Variants in AMMECR1 observed in about 807,000 individuals in gnomAD.
AMMECR1 encodes the protein nuclear protein AMMECR1.
A neutral mutation model predicts 22.5 loss-of-function variants in AMMECR1; 3 were observed. That is an observed-to-expected ratio of 0.13 (90% CI 0.06 to 0.35). The LOEUF (loss-of-function observed/expected upper bound fraction) is 0.35, where lower values mean the gene tolerates loss of function less well. Ranked by LOEUF, AMMECR1 falls within the 10% of genes least tolerant of loss-of-function variation. AMMECR1 has a pLI of 1.00. For missense variants in AMMECR1, 235 were observed against 278.7 expected (o/e 0.84, Z 1.12); for synonymous variants, 130 against 116.7 (o/e 1.11, Z -0.74).
chrX:110,322,433 C>A (rs2068082584), upstream of AMMECR1, among the ~76,000 whole-genome samples: 1 of 111,507 alleles, frequency 9.0e-6, no homozygotes, highest in African/African-American at 3.3e-5. Flanking sequence ...AAGAATTCAT[C>A]TACTAGCTTC....
chrX:110,204,501 A>C (rs1215527589), intron 3 of AMMECR1, among the ~76,000 whole-genome samples: 2 of 111,037 alleles, frequency 1.8e-5, no homozygotes, highest in African/African-American at 6.5e-5. Context: ...GTTTTGGAAA[A>C]AGAACAGCTC....
At chrX:110,235,076 A>G (rs1285805677) in intron 2 of AMMECR1, among the ~76,000 whole-genome samples, 2 of 112,128 alleles carry the variant, frequency 1.8e-5, no homozygotes, top group Non-Finnish European at 3.8e-5. Context: ...TTTGCAATCT[A>G]CTCATCTGAC....
chrX:110,221,886 C>A (rs2067502182), intron 2 of AMMECR1, among the ~76,000 whole-genome samples: 1 of 108,740 alleles, frequency 9.2e-6, no homozygotes, highest in Non-Finnish European at 1.9e-5. Context: ...CAAATCAAAA[C>A]CACAATGAGA....
At chrX:110,393,978 C>T (rs1037014294) in intron 2 of AMMECR1, among the ~76,000 whole-genome samples, 4 of 112,428 alleles carry the variant, frequency 3.6e-5, no homozygotes, top group African/African-American at 9.7e-5. Context: ...GATAGGAAAG[C>T]GCTCAATGAG....
intron 2 of AMMECR1, among the ~76,000 whole-genome samples, chrX:110,413,510 G>T (rs889076666): frequency 9.3e-6 from 1 of 107,232 alleles, no homozygotes; most frequent in African/African-American, 3.4e-5. Context: ...TCCCCTCCTG[G>T]TCAACCCCCC....
chrX:110,419,429 C>T (rs1318147697), intron 2 of AMMECR1, among the ~76,000 whole-genome samples: 1 of 112,533 alleles, frequency 8.9e-6, no homozygotes, highest in Non-Finnish European at 1.9e-5. Flanking sequence ...GCCTCCTGTT[C>T]CTCTCTTACA....
At chrX:110,318,135 C>T, upstream of AMMECR1, 8 of 1,013,825 alleles carry the variant, frequency 7.9e-6, no homozygotes, top group Non-Finnish European at 1.0e-5. Context: ...GCGGCGGGGG[C>T]GAGCACGCTG....
intron 2 of AMMECR1, among the ~76,000 whole-genome samples, chrX:110,351,883 A>T (rs765972163): frequency 0.02 from 2,292 of 112,315 alleles, 21 homozygotes; most frequent in South Asian, 0.033. Context: ...CTCAATAAAA[A>T]AAGACAACCC....
chrX:110,286,355 A>G (rs192029341), intron 1 of AMMECR1, among the ~76,000 whole-genome samples: 1 of 111,041 alleles, frequency 9.0e-6, no homozygotes, highest in Admixed American at 9.5e-5. Context: ...TGAATGCTCA[A>G]TGGGCACATG....
intron 2 of AMMECR1, among the ~76,000 whole-genome samples, chrX:110,353,993 A>G (rs1164951347): frequency 8.9e-6 from 1 of 112,583 alleles, no homozygotes; most frequent in Non-Finnish European, 1.9e-5. Flanking sequence ...TAAAAACTAT[A>G]AAATATTGAT....
intron 2 of AMMECR1, among the ~76,000 whole-genome samples, chrX:110,390,950 C>T (rs2068490031): frequency 9.0e-6 from 1 of 111,465 alleles, no homozygotes; most frequent in Non-Finnish European, 1.9e-5. Context: ...CATTTTTTGT[C>T]ATCTGGAACA....
intron 2 of AMMECR1, among the ~76,000 whole-genome samples, chrX:110,234,797 A>G (rs1179403923): frequency 8.9e-6 from 1 of 111,905 alleles, no homozygotes; most frequent in Non-Finnish European, 1.9e-5. Context: ...CTGAAACTGG[A>G]TCCCTTCCTT....
chrX:110,339,684 C>T (rs959325829), intron 2 of AMMECR1, among the ~76,000 whole-genome samples: 8 of 109,416 alleles, frequency 7.3e-5, no homozygotes, highest in Non-Finnish European at 1.5e-4. Flanking sequence ...TTAATAGAGA[C>T]GGGGTTTCTC....
At chrX:110,264,858 A>C (rs899061851) in intron 1 of AMMECR1, among the ~76,000 whole-genome samples, 4 of 111,643 alleles carry the variant, frequency 3.6e-5, no homozygotes, top group Non-Finnish European at 7.5e-5. Flanking sequence ...AGTCTTCATC[A>C]ACAATTCTAG....
chrX:110,227,667 G>A (rs1303661935), intron 2 of AMMECR1, among the ~76,000 whole-genome samples: 2 of 111,960 alleles, frequency 1.8e-5, no homozygotes, highest in Non-Finnish European at 1.9e-5. Flanking sequence ...AATGGGGGTG[G>A]AGGAAGAGAA....
chrX:110,311,188 A>G (rs2068021703), intron 1 of AMMECR1, among the ~76,000 whole-genome samples: 1 of 111,422 alleles, frequency 9.0e-6, no homozygotes, highest in South Asian at 3.7e-4. Context: ...ACCAAGTAAG[A>G]CTTCAAGATC....
chrX:110,215,669 T>C (rs1293964345), intron 3 of AMMECR1, among the ~76,000 whole-genome samples: 1 of 112,339 alleles, frequency 8.9e-6, no homozygotes, highest in Non-Finnish European at 1.9e-5. Flanking sequence ...TATTTCTTCA[T>C]ACTTTCTATA....
chrX:110,416,363 T>C lies in AMMECR1; in HGVS notation c.-148+10295A>G, dbSNP rs1472941648. Among the ~76,000 whole-genome samples the C allele has an allele frequency of 3.6e-5, 4 of 112,404 alleles. No homozygotes were observed. In the Admixed American group the frequency reaches 3.7e-4, roughly 11 times the overall value. On this transcript the variant is annotated intron_variant, in intron 2 of 7. Transcript: ENST00000372057. ...ACGAACCGTTGTTTAATGTTTACCA[T>C]GTCCCGGGCACATGGTAACTGCTTT...
At chrX:110,434,509 A>G (rs952180688) in intron 1 of AMMECR1, among the ~76,000 whole-genome samples, 6 of 111,574 alleles carry the variant, frequency 5.4e-5, no homozygotes, top group African/African-American at 2.0e-4. Context: ...GCACATGTCA[A>G]CAGGTAGAAA....
Sources: allele counts gnomAD v4.1 joint callset (sites outside exome capture counted in the v4.1 genomes callset), GRCh38; gene constraint gnomAD v4.1.1; transcripts MANE v1.5; gene names NCBI Gene and HGNC (gene_info 2026-07-23, HGNC 2026-07-21).